Variants in C12orf42 observed in about 807,000 individuals in gnomAD.
C12orf42 encodes the protein chromosome 12 open reading frame 42.
A neutral mutation model predicts 21.6 loss-of-function variants in C12orf42; 25 were observed. The ratio of observed to expected loss-of-function variants is 1.16; its 90% CI spans 0.84 to 1.62. The LOEUF (loss-of-function observed/expected upper bound fraction) is 1.62. C12orf42 is among the 40% of genes most tolerant of loss of function. The pLI is 0.00. For missense variants in C12orf42, 483 were observed against 459.3 expected, an observed-to-expected ratio of 1.05 and a Z score of -0.47; for synonymous variants, 174 against 175.0, an observed-to-expected ratio of 0.99 and a Z score of 0.05.
At chr12:103,331,516 A>T (rs1358429312) in intron 4 of C12orf42, among the ~76,000 whole-genome samples, 1 of 152,188 alleles carries the variant, frequency 6.6e-6, no homozygotes, top group East Asian at 1.9e-4. Flanking sequence ...TTGACTTTAC[A>T]GTCTGGTGAA....
intron 3 of C12orf42, among the ~76,000 whole-genome samples, chr12:103,377,912 A>C (rs934306753): frequency 2.6e-5 from 4 of 152,176 alleles, no homozygotes; most frequent in Non-Finnish European, 5.9e-5. Context: ...AAATTGTTGA[A>C]ATTCCTCACC....
At chr12:103,159,737 A>T in the C12orf42 span, among the ~76,000 whole-genome samples, 22 of 152,126 alleles carry the variant, frequency 1.4e-4, no homozygotes, top group African/African-American at 5.3e-4. Context: ...ATTTGTCCCT[A>T]TGTTCATGGT....
chr12:103,182,060 T>G, the C12orf42 span, among the ~76,000 whole-genome samples: 1 of 151,562 alleles, frequency 6.6e-6, no homozygotes. Context: ...GTAGGGTTTT[T>G]CTCGTGTTTT....
At chr12:103,335,519 T>C (rs983054932) in intron 4 of C12orf42, among the ~76,000 whole-genome samples, 6 of 152,222 alleles carry the variant, frequency 3.9e-5, no homozygotes, top group African/African-American at 9.6e-5. Flanking sequence ...AGTTTGCATC[T>C]ATTTTTGCGT....
chr12:103,151,615 A>C, the C12orf42 span, among the ~76,000 whole-genome samples: 1 of 152,204 alleles, frequency 6.6e-6, no homozygotes, highest in Admixed American at 6.5e-5. Flanking sequence ...GCTTTGAAAA[A>C]GATCAATGTA....
chr12:103,377,456 T>C, intron 3 of C12orf42, among the ~76,000 whole-genome samples: 1 of 151,920 alleles, frequency 6.6e-6, no homozygotes, highest in Non-Finnish European at 1.5e-5. Context: ...GGCTTTCCCC[T>C]GGTATGTCCT....
At chr12:103,092,500 G>A in the C12orf42 span, among the ~76,000 whole-genome samples, 2 of 152,130 alleles carry the variant, frequency 1.3e-5, no homozygotes, top group African/African-American at 4.8e-5. Context: ...ATTACATGGA[G>A]CTGCTGCTTG....
intron 4 of C12orf42, among the ~76,000 whole-genome samples, chr12:103,356,781 G>A (rs1387633157): frequency 6.6e-6 from 1 of 151,998 alleles, no homozygotes; most frequent in Non-Finnish European, 1.5e-5. Flanking sequence ...GCCAGTGATG[G>A]TGAGCATTTT....
chr12:103,217,818 T>A, the C12orf42 span, among the ~76,000 whole-genome samples: 1 of 152,128 alleles, frequency 6.6e-6, no homozygotes, highest in African/African-American at 2.4e-5. Flanking sequence ...CCCCCCTTAC[T>A]CCCATGCTGC....
upstream of C12orf42, chr12:103,496,121 T>TGCAC (rs1361166534): frequency 7.2e-5 from 11 of 152,494 alleles, no homozygotes; most frequent in African/African-American, 2.4e-4. Context: ...CTGTGGCCTG[T>TGCAC]GCACGACTCC....
At chr12:103,259,915 G>T (rs562870353) in intron 10 of C12orf42, among the ~76,000 whole-genome samples, 1 of 152,200 alleles carries the variant, frequency 6.6e-6, no homozygotes, top group East Asian at 1.9e-4. Flanking sequence ...TTCCAGTTTA[G>T]AACAGTTAAA....
chr12:103,220,889 G>C, the C12orf42 span, among the ~76,000 whole-genome samples: 1 of 152,074 alleles, frequency 6.6e-6, no homozygotes, highest in African/African-American at 2.4e-5. Flanking sequence ...GTGTGGTCTG[G>C]GGAAAAGAAG....
At chr12:103,094,844 C>T in the C12orf42 span, among the ~76,000 whole-genome samples, 2 of 152,088 alleles carry the variant, frequency 1.3e-5, no homozygotes, top group Admixed American at 1.3e-4. Flanking sequence ...CTGAAGTAAT[C>T]ATCTAGTAAA....
At chr12:103,380,792 A>G (rs1229380967) in intron 3 of C12orf42, among the ~76,000 whole-genome samples, 2 of 152,354 alleles carry the variant, frequency 1.3e-5, no homozygotes, top group African/African-American at 4.8e-5. Flanking sequence ...TGTTCTAAAC[A>G]CTTTAGACAT....
chr12:103,242,902 T>C (rs539915694), intron 10 of C12orf42, among the ~76,000 whole-genome samples: 2 of 152,304 alleles, frequency 1.3e-5, no homozygotes, highest in Non-Finnish European at 2.9e-5. Context: ...AAATTCCACT[T>C]AAATCCAATT....
At chr12:103,563,457 T>C in the C12orf42 span, among the ~76,000 whole-genome samples, 1 of 152,244 alleles carries the variant, frequency 6.6e-6, no homozygotes, top group Non-Finnish European at 1.5e-5. Context: ...AAGTTTTCAC[T>C]GCATAACAAA....
chr12:103,443,327 A>C (rs1043323273), intron 2 of C12orf42, among the ~76,000 whole-genome samples: 2 of 152,046 alleles, frequency 1.3e-5, no homozygotes, highest in African/African-American at 4.8e-5. Context: ...TTTTATGTTC[A>C]TTATCTTGGT....
At chr12:103,299,624 A>AT (rs2037524308), downstream of C12orf42, among the ~76,000 whole-genome samples, 1 of 152,186 alleles carries the variant, frequency 6.6e-6, no homozygotes, top group African/African-American at 2.4e-5. Context: ...TGAAACAATT[A>AT]TTTTTTACAA....
At chr12:103,422,287 A>G (rs1231605896) in intron 2 of C12orf42, among the ~76,000 whole-genome samples, 1 of 152,184 alleles carries the variant, frequency 6.6e-6, no homozygotes, top group Non-Finnish European at 1.5e-5. Flanking sequence ...ACCCTCTGAA[A>G]TGGAAGAGAA....
Sources: gnomAD v4.1 joint callset for allele counts (sites outside exome capture counted in the v4.1 genomes callset) on GRCh38, gnomAD v4.1.1 for gene constraint, MANE v1.5 for transcripts, NCBI Gene and HGNC (gene_info 2026-07-23, HGNC 2026-07-21) for gene names.